The following KIF3B variants were observed in gnomAD, a reference collection of about 807,000 sequenced individuals.
KIF3B encodes kinesin family member 3B.
In KIF3B, 38 loss-of-function variants were observed where a neutral mutation model predicts 74.3. The observed-to-expected ratio is 0.51, with a 90% CI of 0.39 to 0.67. The LOEUF (loss-of-function observed/expected upper bound fraction) is 0.67, where lower values mean the gene tolerates loss of function less well. Ranked by LOEUF, KIF3B falls within the 30% of genes least tolerant of loss-of-function variation. KIF3B has a pLI of 0.00. For synonymous variants in KIF3B, 326 were observed against 342.5 expected, an observed-to-expected ratio of 0.95 and a Z score of 0.53; for missense variants, 649 against 932.0, an observed-to-expected ratio of 0.70 and a Z score of 3.95.
chr20:32,278,436 T>G, intron 1 of KIF3B, among the ~76,000 whole-genome samples: 1 of 152,262 alleles, frequency 6.6e-6, no homozygotes, highest in East Asian at 1.9e-4. Context: ...ACATAGTAAG[T>G]GCTCAACCAG....
intron 1 of KIF3B, among the ~76,000 whole-genome samples, chr20:32,306,239 G>A (rs993639213): frequency 4.0e-5 from 6 of 149,746 alleles, no homozygotes; most frequent in South Asian, 2.1e-4. Flanking sequence ...CTAAATATAC[G>A]AAAAAGATTA....
chr20:32,304,667 A>G (rs555386073), intron 1 of KIF3B, among the ~76,000 whole-genome samples: 5 of 152,330 alleles, frequency 3.3e-5, no homozygotes, highest in African/African-American at 1.2e-4. Context: ...ATTATTGTAT[A>G]TAATATGTTT....
intron 1 of KIF3B, among the ~76,000 whole-genome samples, chr20:32,299,272 TTG>T (rs530506421): frequency 1.1e-3 from 167 of 150,916 alleles, no homozygotes; most frequent in African/African-American, 3.8e-3. Flanking sequence ...TAATATAACT[TTG>T]TTTACAAAAC....
At chr20:32,326,691 C>G in intron 5 of KIF3B, 80 bp from the exon 6 acceptor site, 3 of 687,542 alleles carry the variant, frequency 4.4e-6, no homozygotes, top group Non-Finnish European at 7.8e-6. Flanking sequence ...TACCTGATTA[C>G]TCACCATGCA....
At chr20:32,323,158 T>TTATATATTTA (rs1332409827) in intron 5 of KIF3B, among the ~76,000 whole-genome samples, 1 of 100,020 alleles carries the variant, frequency 1.0e-5, no homozygotes, top group Non-Finnish European at 1.9e-5. Context: ...ATATTTATAT[T>TTATATATTTA]TATATATTTA....
intron 1 of KIF3B, among the ~76,000 whole-genome samples, chr20:32,292,499 A>G (rs1320506590): frequency 4.2e-5 from 6 of 141,966 alleles, no homozygotes; most frequent in Non-Finnish European, 6.1e-5. Context: ...GCACTTTGGG[A>G]GGCTGAGGTG....
chr20:32,302,065 G>A (rs1163602816), intron 1 of KIF3B, among the ~76,000 whole-genome samples: 2 of 152,206 alleles, frequency 1.3e-5, no homozygotes, highest in African/African-American at 4.8e-5. Flanking sequence ...CTGCTGATCT[G>A]TGCTTCCTTC....
intron 1 of KIF3B, among the ~76,000 whole-genome samples, chr20:32,278,754 G>A (rs888248780): frequency 1.1e-4 from 16 of 152,110 alleles, no homozygotes; most frequent in Non-Finnish European, 2.4e-4. Context: ...AGTGCTTAAA[G>A]CAGTAATAAC....
In KIF3B at chr20:32,326,633, A is replaced by G. The variant is rs2047904884; in HGVS notation, c.1749-138A>G. 1.9e-5 allele frequency: 11 copies of G among 582,544 alleles called. No homozygotes were observed. The South Asian group carries it at 2.3e-4, about 12-fold the overall frequency. 36.1% of individuals were successfully genotyped at this position (582,544 alleles called of 1,614,324 possible). A position where few individuals can be genotyped will look rare whatever the true frequency, so the allele number is the denominator to read the frequency against. The stretch of plus-strand genomic sequence containing the variant: ...GTATCTCAGCTCTTTGTATGATGTT[A>G]GGCCCATCGTACTTGCTGAGTAAAT... On this transcript the variant is annotated intron_variant, in intron 5 of 8. Coordinates refer to ENST00000375712, the MANE Select transcript of KIF3B (RefSeq NM_004798.4).
chr20:32,322,975 TAC>T (rs1385325820), intron 5 of KIF3B, among the ~76,000 whole-genome samples: 2 of 11,804 alleles, frequency 1.7e-4, no homozygotes, highest in Non-Finnish European at 2.4e-4. Flanking sequence ...TTTATATATA[TAC>T]ACATATTTAT....
intron 1 of KIF3B, among the ~76,000 whole-genome samples, chr20:32,293,551 G>A (rs1357596267): frequency 3.3e-5 from 5 of 151,040 alleles, no homozygotes; most frequent in Non-Finnish European, 5.9e-5. Flanking sequence ...TTGAGGCTAT[G>A]GCGAGCCAAC....
chr20:32,307,918 CAAAAAAAAAAA>C (rs574709198), intron 1 of KIF3B, among the ~76,000 whole-genome samples: 7 of 52,744 alleles, frequency 1.3e-4, no homozygotes, highest in African/African-American at 5.2e-4. Context: ...GACTCTGTCT[CAAAAAAAAAAA>C]AAAAAAAGGA....
chr20:32,284,287 C>T (rs909001380), intron 1 of KIF3B, among the ~76,000 whole-genome samples: 1 of 152,164 alleles, frequency 6.6e-6, no homozygotes, highest in African/African-American at 2.4e-5. Flanking sequence ...CTTTCCTGTG[C>T]ATTCTCATTT....
rs577045326 is a variant in KIF3B, at chr20:32,299,038, G to A, written c.-65-10675G>A. The stretch of plus-strand genomic sequence containing the variant: ...CGTATTTTTTTGTAAATTCCTAATC[G>A]TAACTGTCACTCTGCAGCTTTGTTT... On this transcript the variant is annotated intron_variant, in intron 1 of 8. Transcript: ENST00000375712. Among the ~76,000 whole-genome samples the A allele has an allele frequency of 2.6e-5, 4 of 151,994 alleles. No homozygotes were observed. In the South Asian group the frequency reaches 6.2e-4, roughly 24 times the overall value.
At chr20:32,291,092 A>G (rs1030985601) in intron 1 of KIF3B, among the ~76,000 whole-genome samples, 4 of 152,120 alleles carry the variant, frequency 2.6e-5, no homozygotes, top group African/African-American at 9.7e-5. Flanking sequence ...CATGGTTACC[A>G]GGGGCTAAGG....
At chr20:32,289,482 A>C (rs1473123825) in intron 1 of KIF3B, among the ~76,000 whole-genome samples, 1 of 152,154 alleles carries the variant, frequency 6.6e-6, no homozygotes, top group Non-Finnish European at 1.5e-5. Context: ...GGGAGCCACC[A>C]TGCTCGGCCA....
chr20:32,281,249 A>C (rs1448344766), intron 1 of KIF3B, among the ~76,000 whole-genome samples: 1 of 152,222 alleles, frequency 6.6e-6, no homozygotes, highest in Admixed American at 6.5e-5. Flanking sequence ...TAGTCGAGGA[A>C]TCTGAATGGA....
At position 32,331,275 on chromosome 20, in the gene KIF3B, G is replaced by C; in HGVS notation, c.2200G>C (p.Ala734Pro). Residue 734 changes from alanine to proline, a missense_variant, in exon 9 of 9, where the codon GCA becomes CCA. By Grantham distance (27) the Ala-to-Pro change is conservative. Transcript: ENST00000375712. ...CTCCTCCTCTTCCTCAGGAACCCCT[G>C]CATCTCAGCTTTATCCACAGTCTCG... The part of the protein sequence containing the change: ...GSSSSSSGTP[A>P]SQLYPQSRGL... The C allele has an allele frequency of 5.0e-6, 8 of 1,613,654 alleles. No homozygotes were observed. Among genetic ancestry groups the C allele is most frequent in the African/African-American group, 1.3e-5 (1 of 75,000 alleles).
intron 1 of KIF3B, among the ~76,000 whole-genome samples, chr20:32,279,014 C>T (rs895616911): frequency 5.3e-5 from 8 of 150,722 alleles, no homozygotes; most frequent in African/African-American, 1.5e-4. Flanking sequence ...ACCTCCGCCT[C>T]GTGTGTTCAA....
Sources: gnomAD v4.1 joint callset for allele counts (sites outside exome capture counted in the v4.1 genomes callset) on GRCh38, gnomAD v4.1.1 for gene constraint, MANE v1.5 for transcripts, NCBI Gene and HGNC (gene_info 2026-07-23, HGNC 2026-07-21) for gene names.